The following HIP1 variants were observed in gnomAD, a reference collection of about 807,000 sequenced individuals.
HIP1 encodes the protein huntingtin-interacting protein 1.
HIP1 carries 65 observed loss-of-function variants against 147.6 expected under a neutral mutation model. The observed-to-expected ratio is 0.44, with a 90% CI of 0.36 to 0.54. The LOEUF is 0.54. Ranked by LOEUF, HIP1 falls within the 20% of genes least tolerant of loss-of-function variation. HIP1 has a pLI of 0.00. For synonymous variants in HIP1, 479 were observed against 504.0 expected (o/e 0.95, Z 0.67); for missense variants, 1,061 against 1,299.6 (o/e 0.82, Z 2.82).
intron 8 of HIP1, among the ~76,000 whole-genome samples, chr7:75,570,259 G>T (rs1204343691): frequency 6.9e-6 from 1 of 145,028 alleles, no homozygotes; most frequent in East Asian, 2.2e-4. Flanking sequence ...TTAATAATAA[G>T]GTATCAACAC....
chr7:75,577,787 G>T (rs1208658542), intron 7 of HIP1, among the ~76,000 whole-genome samples: 1 of 152,032 alleles, frequency 6.6e-6, no homozygotes, highest in Non-Finnish European at 1.5e-5. Context: ...ATCACTTGAG[G>T]CCAGGAGTTC....
Position 75,625,514 on chromosome 7 carries a change from G to C in HIP1, c.121-26267C>G, listed in dbSNP as rs587603521. ...ACCAACCTAACCAGCTGAGAAGCTGGTGTGGAAAGGGGGCCTGCCAGGGCA... is the reference window on the plus strand; with the variant it reads ...ACCAACCTAACCAGCTGAGAAGCTGCTGTGGAAAGGGGGCCTGCCAGGGCA... On this transcript the variant is annotated intron_variant, in intron 1 of 30. Coordinates refer to ENST00000336926, the MANE Select transcript of HIP1 (RefSeq NM_005338.7). 5 of 152,432 alleles carry C rather than the reference G, an allele frequency of 3.3e-5. No individual in the cohort carries two copies. In the East Asian group the frequency reaches 9.7e-4, roughly 29 times the overall value. 9.4% of individuals were successfully genotyped at this position (152,432 alleles called of 1,614,324 possible). A position where few individuals can be genotyped will look rare whatever the true frequency, so the allele number is the denominator to read the frequency against.
At chr7:75,667,877 C>G (rs1283571059) in intron 1 of HIP1, among the ~76,000 whole-genome samples, 1 of 152,212 alleles carries the variant, frequency 6.6e-6, no homozygotes, top group Non-Finnish European at 1.5e-5. Flanking sequence ...TTGTAAGACG[C>G]AATGCCAATT....
intron 1 of HIP1, among the ~76,000 whole-genome samples, chr7:75,691,604 G>T (rs552317144): frequency 6.6e-6 from 1 of 152,132 alleles, no homozygotes; most frequent in Admixed American, 6.6e-5. Flanking sequence ...TTTGAGACCA[G>T]CCTGGCCAGC....
chr7:75,730,539 A>G (rs1285901560), intron 1 of HIP1, among the ~76,000 whole-genome samples: 1 of 150,942 alleles, frequency 6.6e-6, no homozygotes, highest in Non-Finnish European at 1.5e-5. Flanking sequence ...GGGTTTCTCC[A>G]TGTTGGTCAG....
At chr7:75,692,839 A>T (rs142929991) in intron 1 of HIP1, among the ~76,000 whole-genome samples, 1 of 152,258 alleles carries the variant, frequency 6.6e-6, no homozygotes, top group East Asian at 1.9e-4. Context: ...CAAGAGTTAC[A>T]CAAATATTTT....
intron 1 of HIP1, chr7:75,612,000 C>T (rs1470592940): frequency 2.7e-6 from 1 of 375,062 alleles, no homozygotes; most frequent in Non-Finnish European, 3.7e-6. Flanking sequence ...TGGGCCTGGC[C>T]TGTGGGCCCA....
chr7:75,668,074 C>T (rs1184769550), intron 1 of HIP1, among the ~76,000 whole-genome samples: 5 of 144,618 alleles, frequency 3.5e-5, no homozygotes, highest in African/African-American at 7.9e-5. Context: ...CAGGGCTCCA[C>T]GATTTTCCTA....
intron 7 of HIP1, among the ~76,000 whole-genome samples, chr7:75,577,334 A>AAAAAAAAAAAC (rs1795881630): frequency 8.7e-6 from 1 of 114,688 alleles, no homozygotes; most frequent in Non-Finnish European, 1.7e-5. Flanking sequence ...CCCATCTCCA[A>AAAAAAAAAAAC]AAAAAAAAAA....
chr7:75,629,294 T>G (rs1295017212), intron 1 of HIP1, among the ~76,000 whole-genome samples: 1 of 152,130 alleles, frequency 6.6e-6, no homozygotes, highest in African/African-American at 2.4e-5. Flanking sequence ...GCAGCCCCGC[T>G]TACTGGCTCT....
intron 1 of HIP1, among the ~76,000 whole-genome samples, chr7:75,649,424 C>A (rs1456812216): frequency 6.6e-6 from 1 of 152,184 alleles, no homozygotes; most frequent in Non-Finnish European, 1.5e-5. Flanking sequence ...AGCAATGACC[C>A]TGAACACTAT....
chr7:75,679,953 A>G (rs1233921261), intron 1 of HIP1, among the ~76,000 whole-genome samples: 3 of 152,192 alleles, frequency 2.0e-5, no homozygotes, highest in Admixed American at 1.3e-4. Context: ...AGACAAAGCC[A>G]GCATCCTAGA....
intron 1 of HIP1, among the ~76,000 whole-genome samples, chr7:75,615,046 T>G (rs1797602219): frequency 6.6e-6 from 1 of 151,864 alleles, no homozygotes; most frequent in African/African-American, 2.4e-5. Flanking sequence ...GTGCTGGGAT[T>G]ACAGGCATGA....
At chr7:75,624,336 C>T (rs1189587873) in intron 1 of HIP1, among the ~76,000 whole-genome samples, 1 of 152,176 alleles carries the variant, frequency 6.6e-6, no homozygotes, top group Non-Finnish European at 1.5e-5. Context: ...ATCGGCTGCA[C>T]GGCTGTGACG....
intron 1 of HIP1, among the ~76,000 whole-genome samples, chr7:75,737,014 C>T (rs1299389041): frequency 6.6e-6 from 1 of 152,100 alleles, no homozygotes; most frequent in Non-Finnish European, 1.5e-5. Context: ...CCTCAGCCTC[C>T]TGGCTCAAGT....
rs549791259 is a variant in HIP1 at position 75,660,140 on chromosome 7, A to C, written c.121-60893T>G. Among the ~76,000 whole-genome samples, 5 of 151,170 alleles carry C rather than the reference A, an allele frequency of 3.3e-5. No individual in the cohort carries two copies. In the East Asian group the frequency reaches 9.8e-4, roughly 30 times the overall value. On this transcript the variant is annotated intron_variant, in intron 1 of 30. Coordinates refer to ENST00000336926, the MANE Select transcript of HIP1 (RefSeq NM_005338.7). ...ACTCCGTCTCAAAAAACAAAACAAA[A>C]CACACAAAAAAACTCAGGTTCTGGT...
Position 75,559,587 on chromosome 7 carries a change from G to A in HIP1, c.1375+145C>T, listed in dbSNP as rs587625276. The A allele has an allele frequency of 3.5e-5, 24 of 693,402 alleles. No individual in the cohort carries two copies. In the East Asian group the frequency reaches 6.0e-4, roughly 17 times the overall value. 43.0% of individuals were successfully genotyped at this position (693,402 alleles called of 1,614,324 possible). A position where few individuals can be genotyped will look rare whatever the true frequency, so the allele number is the denominator to read the frequency against. ...GACTCAAACCCGCCCTCTGGACTGA[G>A]GCTAAGAGCTGGCATTCCTAGCTGT... On this transcript the variant is annotated intron_variant, in intron 14 of 30. Coordinates refer to ENST00000336926, the MANE Select transcript of HIP1 (RefSeq NM_005338.7).
At chr7:75,688,527 A>C (rs1342850215) in intron 1 of HIP1, among the ~76,000 whole-genome samples, 4 of 152,050 alleles carry the variant, frequency 2.6e-5, no homozygotes, top group Non-Finnish European at 5.9e-5. Context: ...AGCCGCACTA[A>C]GGGGAGATCT....
chr7:75,621,516 A>G (rs782820261), intron 1 of HIP1, among the ~76,000 whole-genome samples: 1 of 152,120 alleles, frequency 6.6e-6, no homozygotes, highest in Admixed American at 6.6e-5. Context: ...TTGGCCTCCT[A>G]AATTGCTGAG....
Sources: gnomAD v4.1 joint callset for allele counts (sites outside exome capture counted in the v4.1 genomes callset) on GRCh38, gnomAD v4.1.1 for gene constraint, MANE v1.5 for transcripts, NCBI Gene and HGNC (gene_info 2026-07-23, HGNC 2026-07-21) for gene names.